TEX14: variants seen among roughly 807,000 people sequenced by gnomAD.
The protein encoded by TEX14 is testis expressed 14, intercellular bridge forming factor, also known as inactive serine/threonine-protein kinase TEX14.
In TEX14, 168 loss-of-function variants were observed where a neutral mutation model predicts 178.6. The ratio of observed to expected loss-of-function variants is 0.94; its 90% CI spans 0.83 to 1.07. The LOEUF is 1.07. Ranked by LOEUF, TEX14 falls within the 50% of genes least tolerant of loss-of-function variation. The pLI is 0.00. For missense variants in TEX14, 1,730 were observed against 1,753.6 expected, an observed-to-expected ratio of 0.99 and a Z score of 0.24; for synonymous variants, 626 against 634.1, an observed-to-expected ratio of 0.99 and a Z score of 0.19.
chr17:58,639,088 A>C (rs2046510041), intron 2 of TEX14, among the ~76,000 whole-genome samples: 1 of 149,684 alleles, frequency 6.7e-6, no homozygotes, highest in Non-Finnish European at 1.5e-5. Flanking sequence ...GATGGTCTTG[A>C]TCTCCTGACC....
At chr17:58,584,317 T>A (rs1378582695) in intron 19 of TEX14, among the ~76,000 whole-genome samples, 183 bp downstream of exon 19, 1 of 152,244 alleles carries the variant, frequency 6.6e-6, no homozygotes, top group Non-Finnish European at 1.5e-5. Context: ...TTGAACTGAC[T>A]TTTTAAAAAG....
intron 27 of TEX14, 113 bp downstream of exon 27, chr17:58,565,634 C>T (rs2044380783): frequency 1.4e-6 from 1 of 695,428 alleles, no homozygotes; most frequent in South Asian, 1.8e-5. Flanking sequence ...TAAAGTCAGA[C>T]TTGAGGTGGA....
Position 58,613,415 on chromosome 17 carries a change from G to T in TEX14, c.1005+6C>A. The T allele has an allele frequency of 6.2e-7, 1 of 1,613,970 alleles. No homozygotes were observed. The highest frequency in any genetic ancestry group is 8.5e-7 in the Non-Finnish European group (1 of 1,179,932). On this transcript the variant is annotated splice_donor_region_variant and intron_variant, in intron 9 of 31. Coordinates refer to ENST00000349033, the MANE Select transcript of TEX14 (RefSeq NM_031272.5). ...CAATGGAAAATCCACGGAAACAGCA[G>T]TTTACTCGTTCATGAAGGACACTGA... is the stretch of plus-strand genomic sequence containing the variant.
intron 2 of TEX14, among the ~76,000 whole-genome samples, chr17:58,644,930 C>T (rs1389047712): frequency 2.6e-5 from 4 of 151,562 alleles, no homozygotes; most frequent in Non-Finnish European, 5.9e-5. Flanking sequence ...GGATTACAGG[C>T]GTGAGCCACT....
chr17:58,615,386 A>G (rs1449390526), intron 7 of TEX14, 41 bp from the exon 8 acceptor site: 11 of 1,182,594 alleles, frequency 9.3e-6, no homozygotes, highest in Non-Finnish European at 1.4e-5. Flanking sequence ...AGGAGTGAGC[A>G]GCCACTTACT....
At chr17:58,632,240 C>T (rs1018794514) in intron 2 of TEX14, among the ~76,000 whole-genome samples, 3 of 152,140 alleles carry the variant, frequency 2.0e-5, no homozygotes, top group Non-Finnish European at 4.4e-5. Flanking sequence ...AATTCAAAGC[C>T]AAAGATTGTG....
In TEX14 at chr17:58,622,966, C is replaced by A; in HGVS notation, c.298G>T (p.Gly100Cys). The A allele has an allele frequency of 6.2e-7, 1 of 1,610,846 alleles. No individual in the cohort carries two copies. The highest frequency in any genetic ancestry group is 8.5e-7 in the Non-Finnish European group (1 of 1,177,242). ...STPVHAAAFS[G>C]NQWILSKLLD... The stretch of plus-strand genomic sequence containing the variant: ...AGTTTGCTAAGGATCCACTGATTGC[C>A]CGAAAATGCTGCTGCATGGACAGGG... The change falls in exon 4 of 32, where the codon GGC (glycine) becomes TGC (cysteine). Residue 100 changes from glycine (G) to cysteine (C), a missense_variant. Gly to Cys is a radical substitution (Grantham distance 159). Around this residue, in one of 2 missense-constraint regions of TEX14, gnomAD observed 789 missense variants for 681.2 expected, o/e 1.16. Coordinates refer to ENST00000349033, the MANE Select transcript of TEX14 (RefSeq NM_031272.5).
Position 58,604,960 on chromosome 17 carries a change from T to C in TEX14, c.1336+18A>G. On this transcript the variant is annotated intron_variant, in intron 11 of 31. Transcript: ENST00000349033. ...TAAGAATAGGGACTTTGGTCAACCA[T>C]TAATGATCTTGATCTACCTGTTAAA... is the stretch of plus-strand genomic sequence containing the variant. 6.2e-7 allele frequency: 1 copy of C among 1,613,982 alleles called. No homozygotes were observed. The highest frequency in any genetic ancestry group is 8.5e-7 in the Non-Finnish European group (1 of 1,179,860).
intron 1 of TEX14, chr17:58,659,396 C>T: frequency 1.2e-6 from 1 of 866,900 alleles, no homozygotes; most frequent in Non-Finnish European, 1.4e-6. Context: ...TTAGGCATCG[C>T]TTCGAAACTA....
intron 2 of TEX14, among the ~76,000 whole-genome samples, chr17:58,641,456 G>A (rs1239358500): frequency 6.8e-6 from 1 of 146,906 alleles, no homozygotes; most frequent in Non-Finnish European, 1.5e-5. Flanking sequence ...TGTGCCTATG[G>A]AGTAGCCATT....
Position 58,679,172 on chromosome 17 carries a change from CAGAA to C in TEX14, c.-2+12763_-2+12766del, listed in dbSNP as rs1054626640. On this transcript the variant is annotated intron_variant, in intron 1 of 31. Coordinates refer to ENST00000349033, the MANE Select transcript of TEX14 (RefSeq NM_031272.5). ...GCCGTCTCCAAGAAAAGAAAAAAAA[CAGAA>C]GGACTCTGGAGGTCCACAAAAAGAT... 3.4e-4 allele frequency among the ~76,000 whole-genome samples: 51 copies of C among 151,874 alleles called. No homozygotes were observed. In the Middle Eastern group the frequency reaches 0.01, roughly 30 times the overall value.
chr17:58,590,603 T>A (rs2045110040), intron 15 of TEX14, among the ~76,000 whole-genome samples: 1 of 151,954 alleles, frequency 6.6e-6, no homozygotes, highest in African/African-American at 2.4e-5. Context: ...TCGCCCAAAC[T>A]GGAATGCAGT....
At chr17:58,579,807 G>C (rs2044768739) in intron 19 of TEX14, 76 bp from the exon 20 acceptor site, 2 of 1,185,172 alleles carry the variant, frequency 1.7e-6, no homozygotes, top group Non-Finnish European at 2.5e-6. Context: ...ATAATTTCTT[G>C]ATGTTCTTAA....
At chr17:58,606,251 G>A (rs302854) in intron 10 of TEX14, among the ~76,000 whole-genome samples, 96,763 of 152,048 alleles carry the variant, frequency 0.64, 31,163 homozygotes, top group African/African-American at 0.71. Context: ...TGTCATGACA[G>A]TCAAATGAGA....
At position 58,556,893 on chromosome 17, in the gene TEX14, G is replaced by A; in HGVS notation, c.*118C>T. ...GTCTATTGTGGCAGCTGAACAAAGTGAGACTTACAGAACTGGAACTGCTGC... is the reference window on the plus strand; with the variant it reads ...GTCTATTGTGGCAGCTGAACAAAGTAAGACTTACAGAACTGGAACTGCTGC... On this transcript the variant is annotated 3_prime_UTR_variant, in exon 32 of 32. Coordinates refer to ENST00000349033, the MANE Select transcript of TEX14 (RefSeq NM_031272.5). 1 of 822,120 alleles carries A rather than the reference G, an allele frequency of 1.2e-6. No homozygotes were observed. Among genetic ancestry groups the A allele is most frequent in the Non-Finnish European group, 2.1e-6 (1 of 472,890 alleles). The allele number at this position is 822,120 out of a possible 1,614,324, so 50.9% of individuals were successfully genotyped here.
chr17:58,664,141 G>A (rs2047167054), intron 1 of TEX14, among the ~76,000 whole-genome samples: 1 of 152,204 alleles, frequency 6.6e-6, no homozygotes, highest in Non-Finnish European at 1.5e-5. Context: ...CACAAAGTGT[G>A]ACCCAGCCCA....
intron 19 of TEX14, among the ~76,000 whole-genome samples, chr17:58,583,068 T>G (rs1055372960): frequency 3.3e-5 from 5 of 150,264 alleles, no homozygotes; most frequent in African/African-American, 1.2e-4. Flanking sequence ...ACTGCTGGGC[T>G]CAAGCGATCC....
chr17:58,581,531 G>A (rs2044818419), intron 19 of TEX14: 4 of 1,499,884 alleles, frequency 2.7e-6, no homozygotes, highest in African/African-American at 1.4e-5. Flanking sequence ...ACTTTGATAT[G>A]TAAGCTATTT....
At chr17:58,605,983 T>C (rs1251681775) in intron 10 of TEX14, among the ~76,000 whole-genome samples, 2 of 152,196 alleles carry the variant, frequency 1.3e-5, no homozygotes, top group Non-Finnish European at 2.9e-5. Context: ...GAACGTAAAC[T>C]CTTTCAAGAG....
Sources: allele counts gnomAD v4.1 joint callset (sites outside exome capture counted in the v4.1 genomes callset), GRCh38; gene constraint gnomAD v4.1.1; regional missense constraint gnomAD v4.1.1; transcripts MANE v1.5; gene names NCBI Gene and HGNC (gene_info 2026-07-23, HGNC 2026-07-21).